The following KANSL1 variants were observed in gnomAD, a reference collection of about 807,000 sequenced individuals.
The protein encoded by KANSL1 is MLL1/MLL complex subunit KANSL1.
A neutral mutation model predicts 103.6 loss-of-function variants in KANSL1; 22 were observed. The observed-to-expected ratio is 0.21, with a 90% CI of 0.15 to 0.30. The LOEUF (loss-of-function observed/expected upper bound fraction) is 0.30, where lower values mean the gene tolerates loss of function less well. Among genes scored for constraint, KANSL1 ranks in the 10% least tolerant of loss-of-function variants. The pLI is 1.00. For synonymous variants in KANSL1, 600 were observed against 527.6 expected, an observed-to-expected ratio of 1.14 and a Z score of -1.88; for missense variants, 1,337 against 1,399.8, an observed-to-expected ratio of 0.96 and a Z score of 0.72.
Position 46,039,786 on chromosome 17 carries a change from G to A in KANSL1, c.2119C>T (p.His707Tyr), listed in dbSNP as rs959376850. ...AGACTGCCCGGCATGGGTGCTCTGT[G>A]CTTAAGCGATAACTTTTTGGGAGGT... Reference protein sequence around the residue: ...IKPPKKLSLKHRAPMPGSLPD... With the variant: ...IKPPKKLSLKYRAPMPGSLPD... The change falls in exon 8 of 15, where the codon CAC (histidine) becomes TAC (tyrosine). Residue 707 changes from histidine to tyrosine, a missense_variant. This residue lies in a region of KANSL1 where 780 missense variants were observed against 923.4 expected (regional missense o/e 0.84). Coordinates refer to ENST00000432791, the MANE Select transcript of KANSL1 (RefSeq NM_015443.4). The A allele has an allele frequency of 2.5e-6, 4 of 1,614,092 alleles. No homozygotes were observed. Among genetic ancestry groups the A allele is most frequent in the Non-Finnish European group, 3.4e-6 (4 of 1,180,042 alleles).
intron 1 of KANSL1, among the ~76,000 whole-genome samples, chr17:46,187,753 CT>C (rs1470193011): frequency 6.6e-6 from 1 of 152,222 alleles, no homozygotes; most frequent in Non-Finnish European, 1.5e-5. Context: ...AAGGTCTACT[CT>C]ATTTAAAAGG....
At chr17:46,139,658 C>G (rs1313612278) in intron 2 of KANSL1, among the ~76,000 whole-genome samples, 1 of 152,160 alleles carries the variant, frequency 6.6e-6, no homozygotes, top group Non-Finnish European at 1.5e-5. Context: ...GTCTAGTACT[C>G]CTGTTGCCTA....
chr17:46,101,518 G>A (rs62061810), intron 2 of KANSL1, among the ~76,000 whole-genome samples: 21,729 of 151,918 alleles, frequency 0.14, 2,127 homozygotes, highest in Non-Finnish European at 0.22. Context: ...TTGGGAGGCC[G>A]AGGCAGGCAG....
At chr17:46,046,566 G>A (rs555515399) in intron 7 of KANSL1, among the ~76,000 whole-genome samples, 4 of 145,754 alleles carry the variant, frequency 2.7e-5, no homozygotes, top group Non-Finnish European at 4.5e-5. Flanking sequence ...AGCCAGGTGC[G>A]GTGGCTCATG....
chr17:46,108,759 G>GCTAA (rs1476552757), intron 2 of KANSL1, among the ~76,000 whole-genome samples: 3 of 152,182 alleles, frequency 2.0e-5, no homozygotes, highest in Admixed American at 2.0e-4. Context: ...CCAGACTGAA[G>GCTAA]CTAACCCCTT....
intron 2 of KANSL1, among the ~76,000 whole-genome samples, chr17:46,135,161 A>G (rs76527351): frequency 0.14 from 21,549 of 151,222 alleles, 2,088 homozygotes; most frequent in Non-Finnish European, 0.22. Context: ...AACTTGGGGA[A>G]AAAAAAAAGC....
chr17:46,150,626 T>A (rs150003204), intron 2 of KANSL1, among the ~76,000 whole-genome samples: 171 of 152,398 alleles, frequency 1.1e-3, no homozygotes, highest in African/African-American at 4.0e-3. Flanking sequence ...ACTTATTCTG[T>A]ATTAAAATGT....
rs184523913 is a variant in KANSL1, at chr17:46,164,347, G to A, written c.1289+6508C>T. Among the ~76,000 whole-genome samples, 46 of 152,266 alleles carry A rather than the reference G, an allele frequency of 3.0e-4. No individual in the cohort carries two copies. The East Asian group carries it at 3.1e-3, about 10-fold the overall frequency. On this transcript the variant is annotated intron_variant, in intron 2 of 14. Transcript: ENST00000432791. ...ACTAAGAATGATTTTCACTACCTAC[G>A]TTTCTTCTCAGGAAAAAAATGAGAA...
intron 1 of KANSL1, 47 bp from the exon 2 acceptor site, chr17:46,172,279 A>G: frequency 1.1e-6 from 1 of 903,522 alleles, no homozygotes; most frequent in Non-Finnish European, 1.6e-6. Context: ...AGCACTTTTA[A>G]AAACATGTAT....
intron 1 of KANSL1, among the ~76,000 whole-genome samples, chr17:46,187,722 G>A (rs949271182): frequency 4.6e-5 from 7 of 152,184 alleles, no homozygotes; most frequent in African/African-American, 1.7e-4. Flanking sequence ...CTATTTTGCC[G>A]CATTGTGCTA....
At chr17:46,064,201 A>G (rs1199974909) in intron 6 of KANSL1, among the ~76,000 whole-genome samples, 1 of 152,108 alleles carries the variant, frequency 6.6e-6, no homozygotes, top group Non-Finnish European at 1.5e-5. Context: ...ATCGCCTGAC[A>G]GTCAATTCTA....
At chr17:46,074,891 C>G (rs1347455688) in intron 4 of KANSL1, among the ~76,000 whole-genome samples, 1 of 152,100 alleles carries the variant, frequency 6.6e-6, no homozygotes, top group African/African-American at 2.4e-5. Context: ...GGGAACAAAC[C>G]TATCATCACT....
chr17:46,106,224 C>T (rs10401062), intron 2 of KANSL1, among the ~76,000 whole-genome samples: 8,392 of 152,090 alleles, frequency 0.055, 694 homozygotes, highest in African/African-American at 0.18. Flanking sequence ...ATCATTGAGC[C>T]CCCAGTCAGC....
Position 46,066,615 on chromosome 17 carries a change from T to C in KANSL1, c.1770A>G (p.Ala590=), listed in dbSNP as rs1286489674. 6.2e-7 allele frequency: 1 copy of C among 1,614,184 alleles called. No homozygotes were observed. The highest frequency in any genetic ancestry group is 1.7e-5 in the Admixed American group (1 of 60,028). The change falls in exon 6 of 15, where the codon GCA becomes GCG. Residue 590 remains alanine, a synonymous_variant. Transcript: ENST00000432791. Reference sequence around the variant, plus strand: ...AGCTCAGTACAGGACGTGTCCGGGCTGCCACACAGGTGCCATCAGATGATG... The same window carrying C: ...AGCTCAGTACAGGACGTGTCCGGGCCGCCACACAGGTGCCATCAGATGATG... ...VSSSSDGTCV[A]ARTRPVLSCK...
intron 1 of KANSL1, among the ~76,000 whole-genome samples, chr17:46,191,650 C>A (rs945450417): frequency 3.1e-4 from 47 of 152,342 alleles, no homozygotes; most frequent in African/African-American, 1.1e-3. Flanking sequence ...TTAAAATGTT[C>A]TCCGACTCTA....
intron 2 of KANSL1, among the ~76,000 whole-genome samples, chr17:46,152,549 T>C (rs2045169571): frequency 7.4e-6 from 1 of 135,700 alleles, no homozygotes; most frequent in African/African-American, 2.8e-5. Flanking sequence ...AGGCCCTGAA[T>C]TTAGGTGAAA....
intron 1 of KANSL1, among the ~76,000 whole-genome samples, chr17:46,201,528 C>G (rs1350112709): frequency 6.6e-6 from 1 of 152,184 alleles, no homozygotes; most frequent in Non-Finnish European, 1.5e-5. Flanking sequence ...TGATGGTTCT[C>G]TGAACCATCA....
chr17:46,168,065 G>A (rs1189815403), intron 2 of KANSL1, among the ~76,000 whole-genome samples: 1 of 152,182 alleles, frequency 6.6e-6, no homozygotes, highest in Non-Finnish European at 1.5e-5. Context: ...CTGGAAGGGT[G>A]GGGGGAGCCA....
chr17:46,176,664 C>A (rs895832965), intron 1 of KANSL1, among the ~76,000 whole-genome samples: 2 of 150,638 alleles, frequency 1.3e-5, no homozygotes, highest in African/African-American at 4.9e-5. Flanking sequence ...GCACTCCAGC[C>A]GGGGCAACAA....
Sources: gnomAD v4.1 joint callset for allele counts (sites outside exome capture counted in the v4.1 genomes callset) on GRCh38, gnomAD v4.1.1 for gene constraint, gnomAD v4.1.1 regional missense constraint, MANE v1.5 for transcripts, NCBI Gene and HGNC (gene_info 2026-07-23, HGNC 2026-07-21) for gene names.